Variants in LRMDA observed in about 807,000 individuals in gnomAD.
LRMDA encodes the protein leucine rich melanocyte differentiation associated.
A neutral mutation model predicts 29.8 loss-of-function variants in LRMDA; 18 were observed. The observed-to-expected ratio is 0.60, with a 90% confidence interval of 0.42 to 0.90. The LOEUF (loss-of-function observed/expected upper bound fraction) is 0.90. Ranked by LOEUF, LRMDA falls within the 40% of genes least tolerant of loss-of-function variation. The pLI, the probability that LRMDA is intolerant of heterozygous loss-of-function variation, is 0.00. For missense variants in LRMDA, 273 were observed against 273.9 expected, an observed-to-expected ratio of 1.00 and a Z score of 0.02; for synonymous variants, 125 against 109.4, an observed-to-expected ratio of 1.14 and a Z score of -0.89.
intron 2 of LRMDA, among the ~76,000 whole-genome samples, chr10:75,621,399 C>T (rs1054968843): frequency 1.3e-5 from 2 of 152,214 alleles, no homozygotes; most frequent in South Asian, 2.1e-4. Context: ...TGCCTTTGTA[C>T]TTCTTTCTCC....
At chr10:76,096,959 AT>A (rs528474182) in intron 5 of LRMDA, among the ~76,000 whole-genome samples, 48 of 148,928 alleles carry the variant, frequency 3.2e-4, no homozygotes, top group African/African-American at 7.1e-4. Context: ...GTAAATTGAG[AT>A]TTTTTTTTTC....
At chr10:76,081,334 T>TGAG (rs981133450) in intron 5 of LRMDA, among the ~76,000 whole-genome samples, 1 of 151,796 alleles carries the variant, frequency 6.6e-6, no homozygotes, top group Admixed American at 6.6e-5. Flanking sequence ...ATTAGCCGGG[T>TGAG]GTGGTGGTGC....
At chr10:75,514,795 G>T (rs900614141) in intron 2 of LRMDA, among the ~76,000 whole-genome samples, 6 of 152,102 alleles carry the variant, frequency 3.9e-5, no homozygotes, top group Non-Finnish European at 8.8e-5. Context: ...ACAGCCTGTA[G>T]AACTGTGAGC....
At chr10:75,667,229 C>G (rs1430893051) in intron 2 of LRMDA, among the ~76,000 whole-genome samples, 6 of 151,994 alleles carry the variant, frequency 3.9e-5, no homozygotes, top group Non-Finnish European at 5.9e-5. Context: ...AACCCCCCCC[C>G]CCAAGTAAGA....
chr10:76,337,283 G>C (rs1024649171), intron 6 of LRMDA, among the ~76,000 whole-genome samples: 4 of 152,184 alleles, frequency 2.6e-5, no homozygotes, highest in Admixed American at 6.5e-5. Context: ...GTTCTAGTCA[G>C]AGAGAGGATC....
At chr10:76,423,199 A>G (rs1177751048) in intron 6 of LRMDA, among the ~76,000 whole-genome samples, 1 of 152,184 alleles carries the variant, frequency 6.6e-6, no homozygotes, top group Admixed American at 6.5e-5. Context: ...GTTTGAAGCC[A>G]GACTGAGTAA....
chr10:75,694,167 G>A (rs1242690782), intron 2 of LRMDA, among the ~76,000 whole-genome samples: 1 of 152,182 alleles, frequency 6.6e-6, no homozygotes, highest in Non-Finnish European at 1.5e-5. Context: ...GCATGTTTGT[G>A]TGTTTATAAT....
chr10:75,814,287 C>T (rs78886587), intron 2 of LRMDA, among the ~76,000 whole-genome samples: 4,958 of 152,264 alleles, frequency 0.033, 103 homozygotes, highest in Non-Finnish European at 0.051. Flanking sequence ...CTGTCATCTG[C>T]CCAACATTTT....
At position 76,474,246 on chromosome 10, in the gene LRMDA, T is replaced by C. The variant is rs143087981; in HGVS notation, c.602-82963T>C. ...TTAATATATTAGTAAATCAAAGCCC[T>C]AATATCACCACTAAAAGCATAAAAC... On this transcript the variant is annotated intron_variant, in intron 6 of 6. Coordinates refer to ENST00000611255, the MANE Select transcript of LRMDA (RefSeq NM_001305581.2). Among the ~76,000 whole-genome samples, 144 of 151,756 alleles carry C rather than the reference T, an allele frequency of 9.5e-4. 4 individuals carry two copies. In the East Asian group the frequency reaches 0.026, roughly 27 times the overall value.
chr10:76,419,945 A>G (rs1173338833), intron 6 of LRMDA, among the ~76,000 whole-genome samples: 1 of 152,136 alleles, frequency 6.6e-6, no homozygotes, highest in Admixed American at 6.5e-5. Context: ...ACATATATGA[A>G]CACAAAATTG....
intron 2 of LRMDA, among the ~76,000 whole-genome samples, chr10:75,896,617 C>T (rs1589245073): frequency 6.6e-6 from 1 of 152,078 alleles, no homozygotes; most frequent in Admixed American, 6.5e-5. Context: ...GATTCATGAG[C>T]AAAGTGACTA....
chr10:75,536,430 C>G (rs550713386), intron 2 of LRMDA, among the ~76,000 whole-genome samples: 2 of 152,104 alleles, frequency 1.3e-5, no homozygotes, highest in Non-Finnish European at 2.9e-5. Context: ...ATGTATATAC[C>G]CTGGTGGTTC....
chr10:75,753,970 A>G (rs906741370), intron 2 of LRMDA, among the ~76,000 whole-genome samples: 9 of 152,222 alleles, frequency 5.9e-5, no homozygotes, highest in Non-Finnish European at 8.8e-5. Flanking sequence ...GAAGGAGAGG[A>G]ATCAAAGATG....
intron 2 of LRMDA, among the ~76,000 whole-genome samples, chr10:75,919,579 G>T (rs1442994266): frequency 1.3e-5 from 2 of 152,110 alleles, no homozygotes; most frequent in African/African-American, 4.8e-5. Flanking sequence ...GTAGGAGGGA[G>T]TGATAGTAGG....
rs779708373 is a variant in LRMDA at position 76,077,690 on chromosome 10, A to C, written c.516+18907A>C. ...GGAACCTTAAAAATAATTTGAAGTGATGAGGGCAGAAGAAGCTGCTCAAAT... is the reference window on the plus strand; with the variant it reads ...GGAACCTTAAAAATAATTTGAAGTGCTGAGGGCAGAAGAAGCTGCTCAAAT... On this transcript the variant is annotated intron_variant, in intron 5 of 6. Coordinates refer to ENST00000611255, the MANE Select transcript of LRMDA (RefSeq NM_001305581.2). Among the ~76,000 whole-genome samples, 78 of 152,126 alleles carry C rather than the reference A, an allele frequency of 5.1e-4. 2 individuals carry two copies. The highest frequency in any genetic ancestry group is 1.0e-4 in the Non-Finnish European group (7 of 68,034).
At position 76,558,661 on chromosome 10, in the gene LRMDA, A is replaced by G. The variant is rs1843588628; in HGVS notation, c.*1373A>G. 6.6e-6 allele frequency: 1 copy of G among 152,226 alleles called. No homozygotes were observed. The highest frequency in any genetic ancestry group is 1.5e-5 in the Non-Finnish European group (1 of 68,048). The allele number at this position is 152,226 out of a possible 1,614,324, so 9.4% of individuals were successfully genotyped here. On this transcript the variant is annotated 3_prime_UTR_variant, in exon 7 of 7. Transcript: ENST00000611255. ...GCAAAACCTGAAAGAGAATCCCTCC[A>G]AGTTATAGATACTGAGGGACTAGGA...
rs989904957 is a variant in LRMDA, at chr10:76,409,509, C to T, written c.601+85024C>T. ...AGTAATATTGGGAGAAAAAAACTACCCATAATTCTGATACCCACAATCCAT... is the reference window on the plus strand; with the variant it reads ...AGTAATATTGGGAGAAAAAAACTACTCATAATTCTGATACCCACAATCCAT... On this transcript the variant is annotated intron_variant, in intron 6 of 6. Coordinates refer to ENST00000611255, the MANE Select transcript of LRMDA (RefSeq NM_001305581.2). Among the ~76,000 whole-genome samples, 3 of 151,880 alleles carry T rather than the reference C, an allele frequency of 2.0e-5. No homozygotes were observed. The South Asian group carries it at 6.2e-4, about 32-fold the overall frequency.
At chr10:76,167,929 T>C (rs900566566) in intron 5 of LRMDA, among the ~76,000 whole-genome samples, 1 of 152,202 alleles carries the variant, frequency 6.6e-6, no homozygotes, top group African/African-American at 2.4e-5. Flanking sequence ...TCTGATTTTT[T>C]TGAGCAGTGT....
chr10:75,888,678 C>T (rs188101321), intron 2 of LRMDA, among the ~76,000 whole-genome samples: 1 of 152,214 alleles, frequency 6.6e-6, no homozygotes, highest in Admixed American at 6.5e-5. Flanking sequence ...CAATTAACAC[C>T]CACTTGATTA....
Sources: gnomAD v4.1 joint callset for allele counts (sites outside exome capture counted in the v4.1 genomes callset) on GRCh38, gnomAD v4.1.1 for gene constraint, MANE v1.5 for transcripts, NCBI Gene and HGNC (gene_info 2026-07-23, HGNC 2026-07-21) for gene names.